The following CELSR1 variants were observed in gnomAD, a reference collection of about 807,000 sequenced individuals.
CELSR1 encodes the protein cadherin EGF LAG seven-pass G-type receptor 1, also known as adhesion G protein-coupled receptor C1.
CELSR1 carries 110 observed loss-of-function variants against 249.1 expected under a neutral mutation model. The observed-to-expected ratio is 0.44, with a 90% CI of 0.38 to 0.52. The LOEUF is 0.52. Among genes scored for constraint, CELSR1 ranks in the 20% least tolerant of loss-of-function variants. The pLI is 0.00. For missense variants in CELSR1, 4,109 were observed against 4,296.4 expected (o/e 0.96, Z 1.22); for synonymous variants, 2,113 against 1,900.0 (o/e 1.11, Z -2.92).
intron 17 of CELSR1, among the ~76,000 whole-genome samples, chr22:46,389,730 A>G (rs983145566): frequency 6.6e-6 from 1 of 152,166 alleles, no homozygotes; most frequent in African/African-American, 2.4e-5. Flanking sequence ...AGCCTGTCCA[A>G]TATGGTGAAA....
rs1692937354 is a variant in CELSR1, at chr22:46,362,616, A to G, written c.*607T>C. On this transcript the variant is annotated 3_prime_UTR_variant, in exon 35 of 35. Coordinates refer to ENST00000674500, the MANE Select transcript of CELSR1 (RefSeq NM_001378328.1). ...ATCTTGACAGAGAAGACAGCAAGAGATCATTGCATGGATCTCTCGGGATAA... is the reference window on the plus strand; with the variant it reads ...ATCTTGACAGAGAAGACAGCAAGAGGTCATTGCATGGATCTCTCGGGATAA... 2.0e-5 allele frequency: 3 copies of G among 153,114 alleles called. No homozygotes were observed. The South Asian group carries it at 6.2e-4, about 31-fold the overall frequency. 9.5% of individuals were successfully genotyped at this position (153,114 alleles called of 1,614,324 possible). A position where few individuals can be genotyped will look rare whatever the true frequency, so the allele number is the denominator to read the frequency against.
At position 46,445,826 on chromosome 22, in the gene CELSR1, C is replaced by T. The variant is rs185521626; in HGVS notation, c.4184-6415G>A. Among the ~76,000 whole-genome samples the T allele has an allele frequency of 1.8e-3, 270 of 152,348 alleles. No homozygotes were observed. Among genetic ancestry groups the T allele is most frequent in the South Asian group, 9.5e-3 (46 of 4,826 alleles). On this transcript the variant is annotated intron_variant, in intron 2 of 34. Transcript: ENST00000674500. The surrounding 1 kb of genome is among the most constrained non-coding windows in gnomAD (Gnocchi z 4.4). ...GACTCCCCGGGTGCTGTTCTCCCTG[C>T]TTGCAGGAGATGCTGCTCCTGGCCT...
chr22:46,435,261 CAA>C (rs1214889556), intron 4 of CELSR1, among the ~76,000 whole-genome samples: 15 of 82,532 alleles, frequency 1.8e-4, no homozygotes, highest in African/African-American at 4.4e-4. Context: ...CAGCCTTGTC[CAA>C]AAAAAAAAAA....
chr22:46,467,650 G>A (rs1029210810), intron 1 of CELSR1, among the ~76,000 whole-genome samples: 1 of 151,792 alleles, frequency 6.6e-6, no homozygotes, highest in Non-Finnish European at 1.5e-5. Context: ...GTGAAACCCC[G>A]TCTCTACTAA....
Position 46,463,930 on chromosome 22 carries a change from G to A in CELSR1, c.3960C>T (p.Ser1320=), listed in dbSNP as rs201238170. The A allele has an allele frequency of 1.2e-5, 20 of 1,614,030 alleles. No individual in the cohort carries two copies. The highest frequency in any genetic ancestry group is 4.5e-5 in the East Asian group (2 of 44,882). ...GCGCGGAGCTGTCGAATCGCAGAAC[G>A]GACACGCACTTCATGTAGTTCTCGC... ...EPCENYMKCV[S]VLRFDSSAPF... is the part of the protein sequence containing the mutation. Residue 1320 remains serine (S), a synonymous_variant, in exon 2 of 35, where the codon TCC becomes TCT. Coordinates refer to ENST00000674500, the MANE Select transcript of CELSR1 (RefSeq NM_001378328.1).
chr22:46,378,770 A>G (rs1602045940), intron 22 of CELSR1, 53 bp from the exon 23 acceptor site: 1 of 1,579,448 alleles, frequency 6.3e-7, no homozygotes, highest in South Asian at 1.1e-5. Context: ...TCTGCCCATG[A>G]GTCTGTAAAG....
chr22:46,452,559 A>G (rs2079898687), intron 2 of CELSR1, among the ~76,000 whole-genome samples: 2 of 152,214 alleles, frequency 1.3e-5, no homozygotes, highest in African/African-American at 2.4e-5. Context: ...CTACAGCCCC[A>G]GCACCAACCT....
intron 1 of CELSR1, among the ~76,000 whole-genome samples, chr22:46,519,320 C>CA (rs981015531): frequency 1.3e-4 from 20 of 152,338 alleles, no homozygotes; most frequent in African/African-American, 4.1e-4. Flanking sequence ...CAAACAAGGA[C>CA]AAAGATCCAG....
chr22:46,493,809 A>C (rs571891407), intron 1 of CELSR1, among the ~76,000 whole-genome samples: 33 of 152,142 alleles, frequency 2.2e-4, no homozygotes, highest in South Asian at 8.3e-4. Context: ...TGTGACTTTG[A>C]TCCTCCTTTG....
rs1351310166 is a variant in CELSR1 at position 46,363,146 on chromosome 22, T to C, written c.*77A>G. The C allele has an allele frequency of 6.2e-7, 1 of 1,613,702 alleles. No homozygotes were observed. Among genetic ancestry groups the C allele is most frequent in the Non-Finnish European group, 8.5e-7 (1 of 1,179,902 alleles). On this transcript the variant is annotated 3_prime_UTR_variant, in exon 35 of 35. Transcript: ENST00000674500. This position sits in a 1 kb window ranked among gnomAD's most constrained non-coding sequence, Gnocchi z 4.3. ...CTTGGGCTCCAAGGTCTGAGGGTGA[T>C]GCCGCAGCCTGTGTGGGGTGACGGG...
intron 1 of CELSR1, among the ~76,000 whole-genome samples, chr22:46,501,043 T>C (rs1437124866): frequency 6.6e-6 from 1 of 151,884 alleles, no homozygotes. Context: ...TTTTATTTCA[T>C]TTTTTATTGA....
At position 46,454,678 on chromosome 22, in the gene CELSR1, G is replaced by T. The variant is rs2079926106; in HGVS notation, c.4183+9029C>A. 6.6e-6 allele frequency among the ~76,000 whole-genome samples: 1 copy of T among 152,216 alleles called. No homozygotes were observed. Among genetic ancestry groups the T allele is most frequent in the Admixed American group, 6.5e-5 (1 of 15,282 alleles). ...CACCTCCAAGCTGTCCGGGTGGGAC[G>T]CGGGAAACCCTCTGCTCCTGCGCTT... On this transcript the variant is annotated intron_variant, in intron 2 of 34. Coordinates refer to ENST00000674500, the MANE Select transcript of CELSR1 (RefSeq NM_001378328.1). This position sits in a 1 kb window ranked among gnomAD's most constrained non-coding sequence, Gnocchi z 5.1.
chr22:46,513,040 C>T (rs1048609507), intron 1 of CELSR1, among the ~76,000 whole-genome samples: 5 of 152,226 alleles, frequency 3.3e-5, no homozygotes, highest in East Asian at 3.9e-4. Flanking sequence ...ATCCATCCCT[C>T]CCCAGTGGAG....
chr22:46,386,563 G>A lies in CELSR1; in HGVS notation c.6578C>T (p.Ala2193Val), dbSNP rs1168138855. The change falls in exon 19 of 35, where the codon GCC (alanine) becomes GTC (valine). Residue 2193 changes from alanine to valine, a missense_variant. Coordinates refer to ENST00000674500, the MANE Select transcript of CELSR1 (RefSeq NM_001378328.1). ...CGCCCTGGTGGCTGGGGCCAGGAGG[G>A]CGCTGCCCGAGTGGATGACGTCCTG... ...FHEDVIHSGS[A>V]LLAPATRAAW... 1.9e-6 allele frequency: 3 copies of A among 1,596,644 alleles called. No individual in the cohort carries two copies. Among genetic ancestry groups the A allele is most frequent in the South Asian group, 1.1e-5 (1 of 88,906 alleles).
intron 2 of CELSR1, among the ~76,000 whole-genome samples, chr22:46,458,735 C>G (rs368307496): frequency 6.6e-6 from 1 of 152,184 alleles, no homozygotes; most frequent in African/African-American, 2.4e-5. Context: ...TGGCCCCGCC[C>G]GCCTGGTGCT....
intron 18 of CELSR1, among the ~76,000 whole-genome samples, chr22:46,388,432 C>T (rs1457327649): frequency 6.6e-6 from 1 of 152,134 alleles, no homozygotes; most frequent in Non-Finnish European, 1.5e-5. Context: ...GCCACTGGCC[C>T]AACTCTCAGG....
intron 1 of CELSR1, 36 bp downstream of exon 1, chr22:46,533,591 T>C: frequency 6.6e-7 from 1 of 1,520,486 alleles, no homozygotes; most frequent in Non-Finnish European, 8.8e-7. Flanking sequence ...AGGAGGCCCA[T>C]CAGGAGCTAC....
chr22:46,452,346 C>A (rs537845981), intron 2 of CELSR1, among the ~76,000 whole-genome samples: 1 of 152,200 alleles, frequency 6.6e-6, no homozygotes, highest in African/African-American at 2.4e-5. Context: ...GGGAAGACAG[C>A]GGCATGAGGA....
At chr22:46,523,564 T>TAAATAAAATAAAAA (rs1569217592) in intron 1 of CELSR1, among the ~76,000 whole-genome samples, 4 of 116,852 alleles carry the variant, frequency 3.4e-5, no homozygotes, top group African/African-American at 1.7e-4. Context: ...ATAAATAAAA[T>TAAATAAAATAAAAA]AAAAAGAAAG....
Sources: allele counts gnomAD v4.1 joint callset (sites outside exome capture counted in the v4.1 genomes callset), GRCh38; gene constraint gnomAD v4.1.1; non-coding constraint Gnocchi (gnomAD v3.1); transcripts MANE v1.5; gene names NCBI Gene and HGNC (gene_info 2026-07-23, HGNC 2026-07-21).